HINT3: variants seen among roughly 807,000 people sequenced by gnomAD.
HINT3 encodes the protein histidine triad nucleotide binding protein 3, also known as adenosine 5'-monophosphoramidase HINT3.
HINT3 carries 16 observed loss-of-function variants against 19.1 expected under a neutral mutation model. The observed-to-expected ratio is 0.84, with a 90% CI of 0.57 to 1.27. The LOEUF (loss-of-function observed/expected upper bound fraction) is 1.27. Among genes scored for constraint, HINT3 ranks in the 50% most tolerant of loss-of-function variants. HINT3 has a pLI of 0.00. For missense variants in HINT3, 197 were observed against 225.8 expected, an observed-to-expected ratio of 0.87 and a Z score of 0.82; for synonymous variants, 75 against 84.8, an observed-to-expected ratio of 0.88 and a Z score of 0.63.
chr6:125,968,300 A>T (rs1419169968), intron 2 of HINT3, among the ~76,000 whole-genome samples: 3 of 152,208 alleles, frequency 2.0e-5, no homozygotes, highest in Non-Finnish European at 2.9e-5. Context: ...CATTTAGAAT[A>T]ATCGCCACCA....
intron 1 of HINT3, among the ~76,000 whole-genome samples, chr6:125,963,662 T>A (rs1296999113): frequency 6.6e-6 from 1 of 152,146 alleles, no homozygotes; most frequent in Non-Finnish European, 1.5e-5. Flanking sequence ...AGAAAAACAA[T>A]TTTTATTCTT....
chr6:125,960,656 G>A (rs906164502), intron 1 of HINT3, among the ~76,000 whole-genome samples: 3 of 69,348 alleles, frequency 4.3e-5, no homozygotes, highest in African/African-American at 1.1e-4. Flanking sequence ...GACTCTCTCT[G>A]GGGGGGGGGA....
In HINT3 at chr6:125,978,431, T is replaced by C. The variant is rs1376982984; in HGVS notation, c.*755T>C. The C allele has an allele frequency of 6.6e-6, 1 of 152,170 alleles. No homozygotes were observed. Among genetic ancestry groups the C allele is most frequent in the Non-Finnish European group, 1.5e-5 (1 of 67,988 alleles). The allele number at this position is 152,170 out of a possible 1,614,324, so 9.4% of individuals were successfully genotyped here. ...AAAACTAGCAGAAAATGTTGCTTTA[T>C]GGCATGTTTTTGTATCAAAGAGAAA... On this transcript the variant is annotated 3_prime_UTR_variant, in exon 5 of 5. Transcript: ENST00000229633.
intron 1 of HINT3, among the ~76,000 whole-genome samples, chr6:125,961,298 A>G (rs1018776709): frequency 4.6e-5 from 7 of 152,184 alleles, no homozygotes; most frequent in African/African-American, 1.4e-4. Context: ...TCTGTGACCA[A>G]ATGTATGGAG....
intron 4 of HINT3, among the ~76,000 whole-genome samples, chr6:125,975,868 G>A (rs748490974): frequency 1.3e-5 from 2 of 152,190 alleles, no homozygotes; most frequent in Non-Finnish European, 2.9e-5. Flanking sequence ...GAGCCACTGT[G>A]CCTGGCCTGA....
At chr6:125,962,192 A>ATG (rs1788939509) in intron 1 of HINT3, among the ~76,000 whole-genome samples, 3 of 29,432 alleles carry the variant, frequency 1.0e-4, no homozygotes, top group Non-Finnish European at 1.5e-4. Context: ...ATATACACAT[A>ATG]TATATATATA....
At chr6:125,972,183 C>A in intron 2 of HINT3, 76 bp from the exon 3 acceptor site, 1 of 910,706 alleles carries the variant, frequency 1.1e-6, no homozygotes, top group Non-Finnish European at 1.7e-6. Flanking sequence ...TTTGATAGGA[C>A]AAGAGTGAAG....
At chr6:125,963,280 AG>A (rs1788970636) in intron 1 of HINT3, among the ~76,000 whole-genome samples, 1 of 151,994 alleles carries the variant, frequency 6.6e-6, no homozygotes, top group Non-Finnish European at 1.5e-5. Flanking sequence ...CAAAAGGGGG[AG>A]GGGGAGAAAG....
Position 125,962,149 on chromosome 6 carries a change from CAT to C in HINT3, c.202-4728_202-4727del, listed in dbSNP as rs1366165521. ...AAGCCAGGAATCGTGGATGGAAACC[CAT>C]ATATATATACACATATATATATATA... On this transcript the variant is annotated intron_variant, in intron 1 of 4. Transcript: ENST00000229633. Among the ~76,000 whole-genome samples, 19 of 38,642 alleles carry C rather than the reference CAT, an allele frequency of 4.9e-4. 1 individual carries two copies. The Admixed American group carries it at 5.8e-3, about 12-fold the overall frequency. 25.4% of individuals were successfully genotyped at this position (38,642 alleles called of 152,430 possible).
chr6:125,958,091 C>A lies in HINT3; in HGVS notation c.201+913C>A, dbSNP rs573029614. Among the ~76,000 whole-genome samples the A allele has an allele frequency of 1.7e-4, 26 of 151,950 alleles. No individual in the cohort carries two copies. In the East Asian group the frequency reaches 4.8e-3, roughly 28 times the overall value. ...GTATTTTGTAAGCTTGTGGGAGGAG[C>A]ATCTAACCCAGCTCTGAAGAATTAG... On this transcript the variant is annotated intron_variant, in intron 1 of 4. Transcript: ENST00000229633.
chr6:125,972,116 G>T (rs1037309519), intron 2 of HINT3, 143 bp from the exon 3 acceptor site: 2 of 573,700 alleles, frequency 3.5e-6, no homozygotes, highest in Admixed American at 3.9e-5. Flanking sequence ...CAAAGTGTTG[G>T]GATTACAGGG....
chr6:125,975,533 GA>G (rs1789167511), intron 4 of HINT3, among the ~76,000 whole-genome samples: 1 of 150,810 alleles, frequency 6.6e-6, no homozygotes, highest in South Asian at 2.1e-4. Flanking sequence ...AAATTCCTTA[GA>G]AAAGAGTTGT....
chr6:125,964,877 A>G lies in HINT3; in HGVS notation c.202-2010A>G, dbSNP rs147062485. Among the ~76,000 whole-genome samples the G allele has an allele frequency of 1.7e-3, 257 of 152,262 alleles. 1 individual carries two copies. Among genetic ancestry groups the G allele is most frequent in the African/African-American group, 6.0e-3 (250 of 41,560 alleles). On this transcript the variant is annotated intron_variant, in intron 1 of 4. Coordinates refer to ENST00000229633, the MANE Select transcript of HINT3 (RefSeq NM_138571.5). Reference sequence around the variant, plus strand: ...CCTGGATCAGCAGTAGGAATGGGACAAAGGGTGACATCAGAGCTAGTTTCA... The same window carrying G: ...CCTGGATCAGCAGTAGGAATGGGACGAAGGGTGACATCAGAGCTAGTTTCA...
intron 4 of HINT3, among the ~76,000 whole-genome samples, chr6:125,975,422 A>G (rs777629631): frequency 2.0e-5 from 3 of 152,206 alleles, no homozygotes; most frequent in African/African-American, 7.2e-5. Context: ...CACTTAAAAC[A>G]GTACCTTGCA....
At chr6:125,964,882 G>A (rs1788994589) in intron 1 of HINT3, among the ~76,000 whole-genome samples, 1 of 152,086 alleles carries the variant, frequency 6.6e-6, no homozygotes, top group Non-Finnish European at 1.5e-5. Context: ...GGGACAAAGG[G>A]TGACATCAGA....
At chr6:125,960,072 A>T (rs1788895025) in intron 1 of HINT3, among the ~76,000 whole-genome samples, 1 of 152,244 alleles carries the variant, frequency 6.6e-6, no homozygotes, top group Non-Finnish European at 1.5e-5. Context: ...TTAAGCCTTG[A>T]AAAAGGAGAA....
intron 2 of HINT3, among the ~76,000 whole-genome samples, chr6:125,967,467 G>A (rs1385165149): frequency 6.6e-6 from 1 of 151,534 alleles, no homozygotes; most frequent in East Asian, 1.9e-4. Context: ...AAGTAGCTGG[G>A]TTTACAGGCA....
chr6:125,964,245 ATTGT>A (rs1788985082), intron 1 of HINT3, among the ~76,000 whole-genome samples: 1 of 152,006 alleles, frequency 6.6e-6, no homozygotes, highest in African/African-American at 2.4e-5. Flanking sequence ...AGTTAGGTTT[ATTGT>A]TTGTTTTTTA....
intron 1 of HINT3, among the ~76,000 whole-genome samples, chr6:125,960,380 C>T (rs573006328): frequency 7.2e-5 from 11 of 152,218 alleles, no homozygotes; most frequent in East Asian, 5.8e-4. Flanking sequence ...GTTATGGAGC[C>T]GGGCGCAGTG....
Sources: allele counts gnomAD v4.1 joint callset (sites outside exome capture counted in the v4.1 genomes callset), GRCh38; gene constraint gnomAD v4.1.1; transcripts MANE v1.5; gene names NCBI Gene and HGNC (gene_info 2026-07-23, HGNC 2026-07-21).